Variants in FAM184B observed in about 807,000 individuals in gnomAD.
FAM184B encodes the protein protein FAM184B.
Under a neutral mutation model 135.9 loss-of-function variants are expected in FAM184B, and 111 were observed. That is an observed-to-expected ratio of 0.82 (90% CI 0.70 to 0.96). The LOEUF (loss-of-function observed/expected upper bound fraction) is 0.96, where lower values mean the gene tolerates loss of function less well. Among genes scored for constraint, FAM184B ranks in the 40% least tolerant of loss-of-function variants. The probability of loss-of-function intolerance (pLI) is 0.00; values close to 1 mark genes in which losing one functional copy is unlikely to be tolerated. For synonymous variants in FAM184B, 552 were observed against 524.8 expected, an observed-to-expected ratio of 1.05 and a Z score of -0.71; for missense variants, 1,375 against 1,323.9, an observed-to-expected ratio of 1.04 and a Z score of -0.60.
intron 17 of FAM184B, chr4:17,633,048 G>A (rs6817348): frequency 0.064 from 9,989 of 156,824 alleles, 1,116 homozygotes; most frequent in African/African-American, 0.23. Context: ...TCAGCCTCCC[G>A]GGGAGCTGGA....
intron 2 of FAM184B, among the ~76,000 whole-genome samples, chr4:17,708,160 C>T (rs372057975): frequency 1.3e-5 from 2 of 152,164 alleles, no homozygotes; most frequent in Non-Finnish European, 2.9e-5. Context: ...GCTTTAGAAT[C>T]AGGCTGACCT....
intron 1 of FAM184B, among the ~76,000 whole-genome samples, chr4:17,766,620 G>A (rs1010616821): frequency 4.6e-5 from 7 of 151,944 alleles, no homozygotes; most frequent in Non-Finnish European, 8.8e-5. Flanking sequence ...TAGATACAGA[G>A]TGCTGATTGG....
chr4:17,689,810 A>C (rs990265297), intron 6 of FAM184B, among the ~76,000 whole-genome samples: 1 of 152,026 alleles, frequency 6.6e-6, no homozygotes, highest in African/African-American at 2.4e-5. Flanking sequence ...TAACTCTTTT[A>C]ATCCTCACAA....
chr4:17,725,367 G>A (rs770814607), intron 1 of FAM184B, among the ~76,000 whole-genome samples: 1 of 152,174 alleles, frequency 6.6e-6, no homozygotes, highest in Non-Finnish European at 1.5e-5. Context: ...GGAAAAAGAG[G>A]CATGTAATTA....
intron 14 of FAM184B, among the ~76,000 whole-genome samples, chr4:17,637,197 T>G (rs929259496): frequency 5.9e-5 from 9 of 152,136 alleles, no homozygotes; most frequent in East Asian, 1.9e-4. Flanking sequence ...CCAGGGAAAT[T>G]TTTGTATTTT....
intron 1 of FAM184B, among the ~76,000 whole-genome samples, chr4:17,740,796 A>G (rs1323955489): frequency 6.6e-6 from 1 of 152,228 alleles, no homozygotes; most frequent in Non-Finnish European, 1.5e-5. Flanking sequence ...ATAAAGCCTC[A>G]TGGGAGACTT....
chr4:17,663,152 G>T (rs763752790), intron 8 of FAM184B, among the ~76,000 whole-genome samples: 3 of 152,142 alleles, frequency 2.0e-5, no homozygotes, highest in Non-Finnish European at 4.4e-5. Context: ...GCCCAAGCTG[G>T]TCTTGAACTC....
At chr4:17,720,671 A>C (rs938250119) in intron 1 of FAM184B, among the ~76,000 whole-genome samples, 1 of 151,832 alleles carries the variant, frequency 6.6e-6, no homozygotes, top group African/African-American at 2.4e-5. Context: ...GCAGATCATG[A>C]GGTCAGGAGT....
intron 9 of FAM184B, 57 bp downstream of exon 9, chr4:17,659,901 A>G: frequency 2.6e-6 from 4 of 1,538,352 alleles, no homozygotes; most frequent in Non-Finnish European, 3.5e-6. Flanking sequence ...CCAAGTTTGT[A>G]AAAAGGAGGG....
chr4:17,660,714 C>A (rs1390743461), intron 8 of FAM184B, among the ~76,000 whole-genome samples: 5 of 151,380 alleles, frequency 3.3e-5, no homozygotes. Flanking sequence ...TAATTCGGAA[C>A]TTTTGAACCA....
chr4:17,682,916 C>A (rs1484586394), intron 7 of FAM184B, among the ~76,000 whole-genome samples: 1 of 152,172 alleles, frequency 6.6e-6, no homozygotes, highest in East Asian at 1.9e-4. Context: ...AGGAACATCA[C>A]TGGGGAAGTT....
chr4:17,683,807 G>A (rs2108954009), intron 7 of FAM184B, among the ~76,000 whole-genome samples: 1 of 152,196 alleles, frequency 6.6e-6, no homozygotes, highest in Admixed American at 6.5e-5. Context: ...CAGACGCAGT[G>A]GTTCATGTCT....
At chr4:17,696,391 T>C (rs1390565824) in intron 5 of FAM184B, among the ~76,000 whole-genome samples, 1 of 152,070 alleles carries the variant, frequency 6.6e-6, no homozygotes, top group East Asian at 1.9e-4. Flanking sequence ...AGAGAAGACT[T>C]GTAGGAAAAC....
intron 5 of FAM184B, among the ~76,000 whole-genome samples, chr4:17,702,144 T>A (rs981494564): frequency 1.3e-5 from 2 of 152,190 alleles, no homozygotes; most frequent in Admixed American, 1.3e-4. Flanking sequence ...TATTCCTGGC[T>A]GGGTAGCTGC....
At chr4:17,720,829 T>C (rs1717505773) in intron 1 of FAM184B, among the ~76,000 whole-genome samples, 1 of 137,448 alleles carries the variant, frequency 7.3e-6, no homozygotes, top group Non-Finnish European at 1.5e-5. Flanking sequence ...GAGGTTGCAG[T>C]GAGCTGAGAT....
intron 1 of FAM184B, among the ~76,000 whole-genome samples, chr4:17,720,749 G>A (rs1441472116): frequency 3.3e-5 from 5 of 151,800 alleles, no homozygotes; most frequent in African/African-American, 1.2e-4. Flanking sequence ...AGCTGGGTGT[G>A]GTGGTGCACC....
intron 11 of FAM184B, among the ~76,000 whole-genome samples, chr4:17,651,336 G>C (rs1715609247): frequency 6.6e-6 from 1 of 151,934 alleles, no homozygotes; most frequent in Admixed American, 6.6e-5. Flanking sequence ...AGGAGATCGA[G>C]ACCATCCTGG....
At chr4:17,713,819 G>T (rs1300341824) in intron 1 of FAM184B, among the ~76,000 whole-genome samples, 1 of 152,180 alleles carries the variant, frequency 6.6e-6, no homozygotes, top group Non-Finnish European at 1.5e-5. Context: ...GGGCACTGGG[G>T]TTACCTGCTG....
intron 1 of FAM184B, among the ~76,000 whole-genome samples, chr4:17,773,072 A>AAC (rs1448148944): frequency 1.3e-5 from 2 of 152,196 alleles, no homozygotes; most frequent in Non-Finnish European, 2.9e-5. Context: ...CCCTCTCTTC[A>AAC]ACACACACAC....
Sources: gnomAD v4.1 joint callset for allele counts (sites outside exome capture counted in the v4.1 genomes callset) on GRCh38, gnomAD v4.1.1 for gene constraint, MANE v1.5 for transcripts, NCBI Gene and HGNC (gene_info 2026-07-23, HGNC 2026-07-21) for gene names.